SHROOM2: variants seen among roughly 807,000 people sequenced by gnomAD.
SHROOM2 encodes the protein shroom family member 2.
In SHROOM2, 33 loss-of-function variants were observed where a neutral mutation model predicts 75.9. The observed-to-expected ratio is 0.43, with a 90% CI of 0.33 to 0.58. The LOEUF (loss-of-function observed/expected upper bound fraction) is 0.58. SHROOM2 is among the 20% of genes least tolerant of loss of function. The probability of loss-of-function intolerance (pLI) is 0.04; values close to 1 mark genes in which losing one functional copy is unlikely to be tolerated. For synonymous variants in SHROOM2, 655 were observed against 663.6 expected (o/e 0.99, Z 0.20); for missense variants, 1,434 against 1,461.2 (o/e 0.98, Z 0.30).
At chrX:9,791,138 G>GA (rs373940406) in intron 1 of SHROOM2, among the ~76,000 whole-genome samples, 314 of 100,096 alleles carry the variant, frequency 3.1e-3, no homozygotes, top group Middle Eastern at 0.015. Context: ...TTTATCTTTT[G>GA]AAAAAAAAAA....
intron 5 of SHROOM2, among the ~76,000 whole-genome samples, chrX:9,922,553 G>T (rs778624846): frequency 8.8e-4 from 96 of 109,296 alleles, no homozygotes; most frequent in Non-Finnish European, 1.6e-3. Context: ...TTCATTCAGG[G>T]TCGTGCCCCT....
intron 1 of SHROOM2, among the ~76,000 whole-genome samples, chrX:9,845,673 C>T (rs1011652142): frequency 4.5e-5 from 5 of 110,611 alleles, no homozygotes; most frequent in South Asian, 7.7e-4. Context: ...CACTGGCTCC[C>T]GTCACCCTCC....
intron 1 of SHROOM2, among the ~76,000 whole-genome samples, chrX:9,856,286 G>A (rs1806865532): frequency 9.0e-6 from 1 of 110,683 alleles, no homozygotes; most frequent in Admixed American, 9.7e-5. Flanking sequence ...AATGTGTTTA[G>A]CATAATAAAA....
chrX:9,791,967 TCG>T (rs1491335866), intron 1 of SHROOM2, among the ~76,000 whole-genome samples: 3,203 of 22,317 alleles, frequency 0.14, 578 homozygotes, highest in African/African-American at 0.38. Flanking sequence ...AAACTCCATC[TCG>T]AGAATAGAAT....
chrX:9,892,008 C>T (rs1378785332), intron 3 of SHROOM2, among the ~76,000 whole-genome samples: 1 of 109,784 alleles, frequency 9.1e-6, no homozygotes, highest in African/African-American at 3.3e-5. Context: ...GTCTGTAATC[C>T]CAACACTTTG....
intron 4 of SHROOM2, among the ~76,000 whole-genome samples, chrX:9,897,053 T>G (rs1308078602): frequency 8.9e-6 from 1 of 112,497 alleles, no homozygotes; most frequent in East Asian, 2.8e-4. Context: ...CATGGAAATG[T>G]GTGGTTTATG....
intron 1 of SHROOM2, among the ~76,000 whole-genome samples, chrX:9,860,114 G>T (rs1347145728): frequency 1.8e-5 from 2 of 111,632 alleles, no homozygotes; most frequent in Non-Finnish European, 3.8e-5. Context: ...ATTTGAATTG[G>T]TCACAACTCG....
chrX:9,823,761 TTC>T lies in SHROOM2; in HGVS notation c.165+37053_165+37054del, dbSNP rs1491004593. Reference sequence around the variant, plus strand: ...TTTTTTCTTTTTTCTTTTTTCTTTTTTCTTTTTTTTTTTTTGAGACAGGGTCT... The same window carrying T: ...TTTTTTCTTTTTTCTTTTTTCTTTTTTTTTTTTTTTTTTGAGACAGGGTCT... On this transcript the variant is annotated intron_variant, in intron 1 of 9. Transcript: ENST00000380913. Among the ~76,000 whole-genome samples the T allele has an allele frequency of 6.9e-4, 66 of 95,400 alleles. 3 individuals are homozygous for T. The highest frequency in any genetic ancestry group is 2.3e-3 in the African/African-American group (63 of 27,062). The allele number at this position is 95,400 out of a possible 115,157, so 82.8% of individuals were successfully genotyped here.
In SHROOM2 at chrX:9,944,892, C is replaced by T. The variant is rs374782377; in HGVS notation, c.4563C>T (p.Asp1521=). 2.4e-5 allele frequency: 29 copies of T among 1,203,675 alleles called. No homozygotes were observed. Among genetic ancestry groups the T allele is most frequent in the African/African-American group, 1.1e-4 (6 of 57,134 alleles). The change falls in exon 9 of 10, where the codon GAC becomes GAT. Residue 1521 remains aspartate (D), a synonymous_variant. Transcript: ENST00000380913. The part of the protein sequence containing the change: ...RVENALNNLD[D]GASPGDRQSL... ...AGAATGCCCTCAATAATTTGGACGA[C>T]GGCGCTTCTCCCGGTGATCGGGTAA... is the stretch of plus-strand genomic sequence containing the variant.
chrX:9,865,199 A>G (rs1192470786), intron 1 of SHROOM2: 1 of 111,927 alleles, frequency 8.9e-6, no homozygotes, highest in African/African-American at 3.2e-5. Context: ...ACAACTAGCA[A>G]ATGATTTCAC....
intron 5 of SHROOM2, among the ~76,000 whole-genome samples, chrX:9,929,012 A>G (rs1257113538): frequency 2.7e-5 from 3 of 112,730 alleles, no homozygotes; most frequent in Non-Finnish European, 5.6e-5. Context: ...ACACATACAC[A>G]CCAGATGCAT....
chrX:9,839,159 T>G (rs1347478283), intron 1 of SHROOM2, among the ~76,000 whole-genome samples: 1 of 111,584 alleles, frequency 9.0e-6, no homozygotes, highest in African/African-American at 3.3e-5. Flanking sequence ...TACAGGAGTA[T>G]TGTTTCTGTC....
chrX:9,846,072 G>A (rs910357494), intron 1 of SHROOM2, among the ~76,000 whole-genome samples: 1 of 105,317 alleles, frequency 9.5e-6, no homozygotes, highest in African/African-American at 3.5e-5. Context: ...GTTTCTGGTG[G>A]CAGTTGTAGT....
intron 5 of SHROOM2, among the ~76,000 whole-genome samples, chrX:9,906,835 C>T (rs926439576): frequency 2.7e-4 from 30 of 112,775 alleles, no homozygotes; most frequent in African/African-American, 7.7e-4. Context: ...GTGCATTAAG[C>T]AGCTGTAGTT....
intron 1 of SHROOM2, among the ~76,000 whole-genome samples, chrX:9,855,729 G>C (rs2084066238): frequency 8.9e-6 from 1 of 111,844 alleles, no homozygotes; most frequent in East Asian, 2.8e-4. Flanking sequence ...TCCTTGACTT[G>C]TACGACCATC....
At chrX:9,936,696 G>A (rs747143252) in intron 6 of SHROOM2, among the ~76,000 whole-genome samples, 20 of 111,750 alleles carry the variant, frequency 1.8e-4, no homozygotes, top group Admixed American at 8.6e-4. Flanking sequence ...AGGAACCCGC[G>A]GGCCTGCACC....
At chrX:9,839,101 G>T (rs1375782141) in intron 1 of SHROOM2, among the ~76,000 whole-genome samples, 2 of 111,390 alleles carry the variant, frequency 1.8e-5, no homozygotes, top group African/African-American at 6.5e-5. Context: ...TCACCAGGTG[G>T]CACTGGGTGT....
At chrX:9,891,242 G>C in intron 3 of SHROOM2, 134 bp downstream of exon 3, 1 of 817,551 alleles carries the variant, frequency 1.2e-6, no homozygotes, top group Non-Finnish European at 1.7e-6. Context: ...GGAGGGCTCT[G>C]AATTTTTGAC....
chrX:9,805,661 T>A (rs2083747311), intron 1 of SHROOM2, among the ~76,000 whole-genome samples: 1 of 111,858 alleles, frequency 8.9e-6, no homozygotes, highest in South Asian at 3.7e-4. Context: ...GGGCTGATAC[T>A]GGAGTTGGGT....
Sources: gnomAD v4.1 joint callset for allele counts (sites outside exome capture counted in the v4.1 genomes callset) on GRCh38, gnomAD v4.1.1 for gene constraint, MANE v1.5 for transcripts, NCBI Gene and HGNC (gene_info 2026-07-23, HGNC 2026-07-21) for gene names.